The following UBR3 variants were observed in gnomAD, a reference collection of about 807,000 sequenced individuals.
UBR3 encodes E3 ubiquitin-protein ligase UBR3.
Under a neutral mutation model 243.2 loss-of-function variants are expected in UBR3, and 85 were observed. That is an observed-to-expected ratio of 0.35 (90% CI 0.29 to 0.42). The LOEUF (loss-of-function observed/expected upper bound fraction) is 0.42, where lower values mean the gene tolerates loss of function less well. Ranked by LOEUF, UBR3 falls within the 10% of genes least tolerant of loss-of-function variation. UBR3 has a pLI of 1.00. For missense variants in UBR3, 1,686 were observed against 2,300.8 expected (o/e 0.73, Z 5.47); for synonymous variants, 748 against 799.8 (o/e 0.94, Z 1.09).
chr2:169,969,639 C>T (rs1205362850), intron 24 of UBR3, among the ~76,000 whole-genome samples: 1 of 150,728 alleles, frequency 6.6e-6, no homozygotes, highest in African/African-American at 2.4e-5. Flanking sequence ...AGCTCCACTT[C>T]CCAGGTTCAT....
chr2:169,833,095 A>T (rs1251268894), intron 1 of UBR3, among the ~76,000 whole-genome samples: 1 of 152,198 alleles, frequency 6.6e-6, no homozygotes. Flanking sequence ...AATGCTGCTT[A>T]TATGAAAAGT....
At chr2:169,996,771 C>T (rs1227686351) in intron 26 of UBR3, among the ~76,000 whole-genome samples, 1 of 147,598 alleles carries the variant, frequency 6.8e-6, no homozygotes, top group African/African-American at 2.5e-5. Flanking sequence ...CAGCTCACTG[C>T]AACCTCTGCC....
intron 19 of UBR3, among the ~76,000 whole-genome samples, chr2:169,941,326 A>G (rs1235643366): frequency 6.6e-6 from 1 of 152,202 alleles, no homozygotes; most frequent in Middle Eastern, 3.2e-3. Context: ...TTCTCCTACA[A>G]TACATACCTA....
intron 23 of UBR3, among the ~76,000 whole-genome samples, chr2:169,952,652 G>A (rs976687102): frequency 5.3e-5 from 8 of 151,934 alleles, no homozygotes; most frequent in East Asian, 1.9e-4. Flanking sequence ...CTGAGATCGC[G>A]CTGCTGCACT....
chr2:169,938,022 C>T (rs1031937245), intron 19 of UBR3, among the ~76,000 whole-genome samples: 1 of 152,080 alleles, frequency 6.6e-6, no homozygotes, highest in Non-Finnish European at 1.5e-5. Context: ...CTCAATTGTA[C>T]TTGCTATTTG....
intron 17 of UBR3, among the ~76,000 whole-genome samples, chr2:169,928,337 G>A (rs1029983828): frequency 6.6e-6 from 1 of 151,908 alleles, no homozygotes; most frequent in Non-Finnish European, 1.5e-5. Context: ...AACAATCTTT[G>A]CTCATAAAAA....
At chr2:170,022,368 T>G (rs1448094574) in intron 30 of UBR3, among the ~76,000 whole-genome samples, 3 of 152,104 alleles carry the variant, frequency 2.0e-5, no homozygotes, top group Admixed American at 2.0e-4. Flanking sequence ...CAAGACAGCC[T>G]TTTTCTTCAC....
intron 30 of UBR3, among the ~76,000 whole-genome samples, chr2:170,026,995 A>G (rs17634097): frequency 0.11 from 16,215 of 151,968 alleles, 1,129 homozygotes; most frequent in Admixed American, 0.19. Flanking sequence ...TTTTATTAAC[A>G]AATTGAAGTT....
At chr2:169,908,456 TG>T (rs1472619064) in intron 10 of UBR3, among the ~76,000 whole-genome samples, 3 of 152,232 alleles carry the variant, frequency 2.0e-5, no homozygotes, top group Non-Finnish European at 4.4e-5. Context: ...ATCAAGAAAC[TG>T]TCATATAATA....
chr2:169,865,549 T>C (rs1481857830), intron 1 of UBR3, among the ~76,000 whole-genome samples: 4 of 152,198 alleles, frequency 2.6e-5, no homozygotes, highest in African/African-American at 9.6e-5. Flanking sequence ...AGCTACTTGG[T>C]ACTCTGTTCA....
At chr2:169,958,118 T>C (rs889943756) in intron 23 of UBR3, among the ~76,000 whole-genome samples, 1 of 152,252 alleles carries the variant, frequency 6.6e-6, no homozygotes, top group South Asian at 2.1e-4. Flanking sequence ...GTTCTTGGTC[T>C]TGCTACCTTC....
intron 33 of UBR3, 50 bp from the exon 34 acceptor site, chr2:170,061,029 T>G (rs1348923214): frequency 8.1e-7 from 1 of 1,233,058 alleles, no homozygotes; most frequent in East Asian, 2.6e-5. Context: ...CCAATGTAAA[T>G]TTTTTATAAT....
intron 19 of UBR3, 117 bp downstream of exon 19, chr2:169,933,125 T>G: frequency 1.5e-6 from 1 of 666,536 alleles, no homozygotes; most frequent in Non-Finnish European, 2.4e-6. Context: ...TCTTTAAAGG[T>G]GAAAATAATA....
intron 19 of UBR3, among the ~76,000 whole-genome samples, chr2:169,936,460 G>T (rs12468742): frequency 0.74 from 112,968 of 151,858 alleles, 43,250 homozygotes; most frequent in East Asian, 0.88. Flanking sequence ...TTCTTATTTT[G>T]AAGATTTTTT....
intron 23 of UBR3, among the ~76,000 whole-genome samples, chr2:169,952,958 C>T (rs2087105958): frequency 6.6e-6 from 1 of 152,002 alleles, no homozygotes; most frequent in Non-Finnish European, 1.5e-5. Flanking sequence ...AATTAGTGGT[C>T]TCTCTTAGTG....
chr2:169,930,461 A>ACTGCACC (rs1157890612), intron 18 of UBR3, among the ~76,000 whole-genome samples: 1 of 151,622 alleles, frequency 6.6e-6, no homozygotes, highest in African/African-American at 2.4e-5. Context: ...ATCATAGCTC[A>ACTGCACC]CTGCACCCTT....
chr2:169,945,675 AG>A (rs2086762171), intron 20 of UBR3, among the ~76,000 whole-genome samples: 1 of 152,222 alleles, frequency 6.6e-6, no homozygotes, highest in South Asian at 2.1e-4. Context: ...TCTTCTGGTT[AG>A]TGGTCTGTTA....
At chr2:169,884,141 A>AT (rs2083999974) in intron 5 of UBR3, among the ~76,000 whole-genome samples, 2 of 144,426 alleles carry the variant, frequency 1.4e-5, no homozygotes, top group African/African-American at 5.2e-5. Context: ...CCTGTAAGGT[A>AT]TTTTGGAGAG....
chr2:169,884,278 G>T (rs186998958), intron 5 of UBR3, among the ~76,000 whole-genome samples: 5 of 150,794 alleles, frequency 3.3e-5, no homozygotes, highest in African/African-American at 1.2e-4. Flanking sequence ...TCAGCCTCCC[G>T]AGTAGCTGGG....
Sources: allele counts gnomAD v4.1 joint callset (sites outside exome capture counted in the v4.1 genomes callset), GRCh38; gene constraint gnomAD v4.1.1; transcripts MANE v1.5; gene names NCBI Gene and HGNC (gene_info 2026-07-23, HGNC 2026-07-21).